Variants in CAMK2D observed in about 807,000 individuals in gnomAD.
CAMK2D encodes calcium/calmodulin-dependent protein kinase type II subunit delta.
Under a neutral mutation model 84.0 loss-of-function variants are expected in CAMK2D, and 37 were observed. The observed-to-expected ratio is 0.44, with a 90% CI of 0.34 to 0.58. CAMK2D has a LOEUF of 0.58. CAMK2D is among the 20% of genes least tolerant of loss of function. The pLI is 0.02. For synonymous variants in CAMK2D, 202 were observed against 212.5 expected (o/e 0.95, Z 0.43); for missense variants, 448 against 652.5 (o/e 0.69, Z 3.41).
intron 2 of CAMK2D, among the ~76,000 whole-genome samples, chr4:113,749,126 G>A (rs1411224369): frequency 1.3e-5 from 2 of 151,110 alleles, no homozygotes; most frequent in Non-Finnish European, 3.0e-5. Flanking sequence ...TTTATGAAAA[G>A]AATATTTTCT....
At chr4:113,594,579 A>C (rs1307833793) in intron 4 of CAMK2D, among the ~76,000 whole-genome samples, 2 of 152,230 alleles carry the variant, frequency 1.3e-5, no homozygotes, top group African/African-American at 4.8e-5. Context: ...TATTCTAAGA[A>C]AGAATCCAAT....
intron 16 of CAMK2D, among the ~76,000 whole-genome samples, chr4:113,488,150 G>C (rs950236960): frequency 6.6e-6 from 1 of 151,974 alleles, no homozygotes; most frequent in Non-Finnish European, 1.5e-5. Context: ...CTTAGATTTA[G>C]TAGCTTATTA....
chr4:113,609,958 C>T (rs772254762), intron 3 of CAMK2D, among the ~76,000 whole-genome samples: 2 of 152,092 alleles, frequency 1.3e-5, no homozygotes, highest in Non-Finnish European at 1.5e-5. Flanking sequence ...AACTACAAAC[C>T]GCTGTATCTG....
rs1232019013 is a variant in CAMK2D at position 113,517,620 on chromosome 4, G to A, written c.639C>T (p.Pro213=). 2 of 1,589,430 alleles carry A rather than the reference G, an allele frequency of 1.3e-6. No homozygotes were observed. Among genetic ancestry groups the A allele is most frequent in the African/African-American group, 1.3e-5 (1 of 74,420 alleles). Reference sequence around the variant, plus strand: ...GTCTGTGTTGGTCTTCATCCCAGAAGGGTGGATACCCCACAAGTAGAATAT... The same window carrying A: ...GTCTGTGTTGGTCTTCATCCCAGAAAGGTGGATACCCCACAAGTAGAATAT... ...ILYILLVGYP[P]FWDEDQHRLY... is the part of the protein sequence containing the mutation. Residue 213 remains proline, a synonymous_variant, in exon 9 of 21, where the codon CCC becomes CCT. Coordinates refer to ENST00000511664, the MANE Select transcript of CAMK2D (RefSeq NM_001321571.2).
At chr4:113,642,290 T>C (rs1408986697) in intron 3 of CAMK2D, among the ~76,000 whole-genome samples, 1 of 152,234 alleles carries the variant, frequency 6.6e-6, no homozygotes, top group Non-Finnish European at 1.5e-5. Flanking sequence ...GAATTATTTA[T>C]TATGATTTCC....
chr4:113,697,573 G>T (rs1056548019), intron 2 of CAMK2D, among the ~76,000 whole-genome samples: 5 of 151,964 alleles, frequency 3.3e-5, no homozygotes, highest in Admixed American at 2.0e-4. Context: ...TCTGTACTTG[G>T]ATAACTATTG....
chr4:113,721,481 A>G (rs1025862097), intron 2 of CAMK2D, among the ~76,000 whole-genome samples: 1 of 152,186 alleles, frequency 6.6e-6, no homozygotes, highest in African/African-American at 2.4e-5. Flanking sequence ...TCACTAATAC[A>G]ATATGTAACT....
At chr4:113,681,889 C>T (rs1398213684) in intron 2 of CAMK2D, among the ~76,000 whole-genome samples, 4 of 151,808 alleles carry the variant, frequency 2.6e-5, no homozygotes, top group Non-Finnish European at 5.9e-5. Flanking sequence ...CAGCCTTTTC[C>T]AGTTCCATTT....
At chr4:113,587,855 T>C (rs1196734904) in intron 4 of CAMK2D, among the ~76,000 whole-genome samples, 4 of 152,136 alleles carry the variant, frequency 2.6e-5, no homozygotes, top group Admixed American at 6.5e-5. Flanking sequence ...CAGCTAAGCA[T>C]ACCCTTCGAA....
intron 5 of CAMK2D, among the ~76,000 whole-genome samples, chr4:113,550,079 T>C (rs940589484): frequency 1.3e-5 from 2 of 152,312 alleles, no homozygotes; most frequent in African/African-American, 4.8e-5. Flanking sequence ...AAGTAAACAA[T>C]AACACATACT....
At chr4:113,701,050 A>G (rs1436254185) in intron 2 of CAMK2D, among the ~76,000 whole-genome samples, 1 of 152,216 alleles carries the variant, frequency 6.6e-6, no homozygotes, top group African/African-American at 2.4e-5. Flanking sequence ...AAAAATTAGC[A>G]GACAAATGGA....
intron 2 of CAMK2D, among the ~76,000 whole-genome samples, chr4:113,748,608 G>A (rs1284486113): frequency 2.0e-5 from 3 of 152,016 alleles, no homozygotes; most frequent in Non-Finnish European, 4.4e-5. Flanking sequence ...GTCACTTAGT[G>A]AAGTATAATT....
rs903787980 is a variant in CAMK2D at position 113,761,561 on chromosome 4, C to T, written c.-493G>A. 16 of 985,578 alleles carry T rather than the reference C, an allele frequency of 1.6e-5. No individual in the cohort carries two copies. The highest frequency in any genetic ancestry group is 1.7e-5 in the African/African-American group (1 of 57,230). The allele number at this position is 985,578 out of a possible 1,614,324, so 61.1% of individuals were successfully genotyped here. A position where few individuals can be genotyped will look rare whatever the true frequency, so the allele number is the denominator to read the frequency against. ...CGGAGCCCAGAGCGGACAGCCTGAGCCCAGCGGCCGCTGTCAGCAGGCTCA... is the reference window on the plus strand; with the variant it reads ...CGGAGCCCAGAGCGGACAGCCTGAGTCCAGCGGCCGCTGTCAGCAGGCTCA... On this transcript the variant is annotated 5_prime_UTR_variant, in exon 1 of 21. Transcript: ENST00000511664.
intron 2 of CAMK2D, among the ~76,000 whole-genome samples, chr4:113,717,834 C>T (rs1040426749): frequency 1.4e-4 from 22 of 152,062 alleles, no homozygotes; most frequent in Middle Eastern, 3.4e-3. Context: ...AGATTGCTGA[C>T]CTCAATTATA....
intron 16 of CAMK2D, among the ~76,000 whole-genome samples, chr4:113,484,447 G>C (rs1043496839): frequency 6.6e-6 from 1 of 151,868 alleles, no homozygotes; most frequent in African/African-American, 2.4e-5. Flanking sequence ...CAGATCTCAG[G>C]ACATTGCAAA....
At chr4:113,467,025 A>G (rs953799069) in intron 16 of CAMK2D, among the ~76,000 whole-genome samples, 4 of 152,212 alleles carry the variant, frequency 2.6e-5, no homozygotes, top group African/African-American at 9.6e-5. Context: ...ATGTTTGTGA[A>G]TTTAATCAAT....
rs188645686 is a variant in CAMK2D at position 113,701,613 on chromosome 4, G to A, written c.161-39841C>T. Among the ~76,000 whole-genome samples the A allele has an allele frequency of 1.7e-3, 253 of 152,258 alleles. 2 individuals are homozygous for A. Among genetic ancestry groups the A allele is most frequent in the South Asian group, 2.5e-3 (12 of 4,824 alleles). On this transcript the variant is annotated intron_variant, in intron 2 of 20. Coordinates refer to ENST00000511664, the MANE Select transcript of CAMK2D (RefSeq NM_001321571.2). The stretch of plus-strand genomic sequence containing the variant: ...GACCTTCATACCTCCCCTGCCATTC[G>A]TCACTGAATATGGGCCACCCTGGGA...
chr4:113,653,212 G>C (rs1243413932), intron 3 of CAMK2D, among the ~76,000 whole-genome samples: 1 of 151,868 alleles, frequency 6.6e-6, no homozygotes, highest in African/African-American at 2.4e-5. Context: ...AGAATTTTTT[G>C]AACATATTTA....
chr4:113,547,961 A>C (rs1020790308), intron 5 of CAMK2D, among the ~76,000 whole-genome samples: 1 of 152,206 alleles, frequency 6.6e-6, no homozygotes, highest in Admixed American at 6.5e-5. Context: ...AAAACACTTT[A>C]TGTCATTCAA....
Sources: allele counts gnomAD v4.1 joint callset (sites outside exome capture counted in the v4.1 genomes callset), GRCh38; gene constraint gnomAD v4.1.1; transcripts MANE v1.5; gene names NCBI Gene and HGNC (gene_info 2026-07-23, HGNC 2026-07-21).